The following CLIP2 variants were observed in gnomAD, a reference collection of about 807,000 sequenced individuals.
CLIP2 encodes CAP-Gly domain-containing linker protein 2.
A neutral mutation model predicts 111.7 loss-of-function variants in CLIP2; 41 were observed. The observed-to-expected ratio is 0.37, with a 90% CI of 0.29 to 0.48. CLIP2 has a LOEUF of 0.48. CLIP2 is among the 20% of genes least tolerant of loss of function. The pLI is 0.99. For synonymous variants in CLIP2, 660 were observed against 644.2 expected (o/e 1.02, Z -0.37); for missense variants, 1,160 against 1,422.1 (o/e 0.82, Z 2.96).
chr7:74,358,814 T>C (rs1318085894), intron 6 of CLIP2, among the ~76,000 whole-genome samples: 2 of 151,020 alleles, frequency 1.3e-5, no homozygotes, highest in African/African-American at 2.4e-5. Flanking sequence ...CAAGTGACCC[T>C]CCCACCTTGG....
chr7:74,289,420 C>T lies in CLIP2; in HGVS notation c.-382C>T, dbSNP rs1367556929. On this transcript the variant is annotated 5_prime_UTR_variant, in exon 1 of 17. Transcript: ENST00000223398. ...CCTGCGCCGGCCCCTTTTGTTCCCT[C>T]CCGGAGCCGGGCCGCTGGCTCCGCT... The T allele has an allele frequency of 1.3e-5, 2 of 151,082 alleles. No homozygotes were observed. The highest frequency in any genetic ancestry group is 2.0e-4 in the East Asian group (1 of 5,116). The allele number at this position is 151,082 out of a possible 1,614,324, so 9.4% of individuals were successfully genotyped here. A position where few individuals can be genotyped will look rare whatever the true frequency, so the allele number is the denominator to read the frequency against.
chr7:74,370,155 C>CAA (rs536133070), intron 8 of CLIP2, among the ~76,000 whole-genome samples: 9,722 of 32,238 alleles, frequency 0.3, 1,472 homozygotes, highest in Middle Eastern at 0.4. Context: ...GACTCTGCCT[C>CAA]AAAAAAAAAA....
intron 16 of CLIP2, among the ~76,000 whole-genome samples, chr7:74,402,565 G>T (rs998556693): frequency 6.6e-6 from 1 of 152,114 alleles, no homozygotes; most frequent in East Asian, 1.9e-4. Flanking sequence ...GGTGGCGCAT[G>T]CCTGTAGCCT....
chr7:74,397,087 C>T lies in CLIP2; in HGVS notation c.2734C>T (p.Leu912=). 6.2e-7 allele frequency: 1 copy of T among 1,613,682 alleles called. No individual in the cohort carries two copies. The highest frequency in any genetic ancestry group is 1.1e-5 in the South Asian group (1 of 91,068). Residue 912 remains leucine, a synonymous_variant, in exon 14 of 17, where the codon CTG becomes TTG. Transcript: ENST00000223398. The part of the protein sequence containing the change: ...LLRKERSLNE[L]RVLLLEANRH... Reference sequence around the variant, plus strand: ...CCTCACCCCCAGGAGCCTGAACGAACTGCGGGTGTTGCTGCTGGAGGCCAA... The same window carrying T: ...CCTCACCCCCAGGAGCCTGAACGAATTGCGGGTGTTGCTGCTGGAGGCCAA...
At chr7:74,393,522 G>A (rs980552373) in intron 13 of CLIP2, among the ~76,000 whole-genome samples, 2 of 151,424 alleles carry the variant, frequency 1.3e-5, no homozygotes, top group Admixed American at 1.3e-4. Context: ...TTTTAGTAGA[G>A]ATGGGGTTTC....
Position 74,295,550 on chromosome 7 carries a change from CATTT to C in CLIP2, c.-68+5817_-68+5820del, listed in dbSNP as rs1388528559. On this transcript the variant is annotated intron_variant, in intron 1 of 16. Coordinates refer to ENST00000223398, the MANE Select transcript of CLIP2 (RefSeq NM_003388.5). ...AGGCTGTTCCCTGCACAAATCCATT[CATTT>C]GTTTCTTTACTTTGCTCATGTTCAG... Among the ~76,000 whole-genome samples the C allele has an allele frequency of 3.9e-5, 6 of 152,140 alleles. No individual in the cohort carries two copies. In the East Asian group the frequency reaches 9.6e-4, roughly 24 times the overall value.
At chr7:74,348,099 G>C (rs1438405249) in intron 3 of CLIP2, among the ~76,000 whole-genome samples, 1 of 152,010 alleles carries the variant, frequency 6.6e-6, no homozygotes, top group Non-Finnish European at 1.5e-5. Flanking sequence ...AGAATTGGGA[G>C]GCAGAGGTTA....
At chr7:74,345,634 C>T (rs929269292) in intron 3 of CLIP2, among the ~76,000 whole-genome samples, 3 of 151,796 alleles carry the variant, frequency 2.0e-5, no homozygotes, top group Admixed American at 2.0e-4. Flanking sequence ...GTCAGGAGTT[C>T]GAGACCAACC....
chr7:74,386,683 T>C (rs1791111577), intron 12 of CLIP2, 79 bp downstream of exon 12: 1 of 1,185,246 alleles, frequency 8.4e-7, no homozygotes, highest in Non-Finnish European at 1.2e-6. Context: ...AAGCATGGAG[T>C]GGGTCAGGGC....
In CLIP2 at chr7:74,317,508, C is replaced by A; in HGVS notation, c.-39C>A. ...AGTGAAGATGGCAGAGAGGACGTGA[C>A]CAGCACTCACCCTTGTCCACCTGCC... On this transcript the variant is annotated 5_prime_UTR_variant, in exon 2 of 17. Transcript: ENST00000223398. 1 of 1,366,494 alleles carries A rather than the reference C, an allele frequency of 7.3e-7. No homozygotes were observed. The highest frequency in any genetic ancestry group is 9.5e-7 in the Non-Finnish European group (1 of 1,050,054). The allele number at this position is 1,366,494 out of a possible 1,614,324, so 84.6% of individuals were successfully genotyped here. A position where few individuals can be genotyped will look rare whatever the true frequency, so the allele number is the denominator to read the frequency against.
chr7:74,291,163 AT>A (rs1357312402), intron 1 of CLIP2, among the ~76,000 whole-genome samples: 1 of 152,104 alleles, frequency 6.6e-6, no homozygotes, highest in Non-Finnish European at 1.5e-5. Flanking sequence ...GAATGATGGG[AT>A]TCTGGCTTCA....
In CLIP2 at chr7:74,376,923, C is replaced by A. The variant is rs912177616; in HGVS notation, c.2421+101C>A. 1.3e-5 allele frequency: 15 copies of A among 1,193,922 alleles called. No individual in the cohort carries two copies. The highest frequency in any genetic ancestry group is 4.8e-5 in the South Asian group (3 of 62,720). 74.0% of individuals were successfully genotyped at this position (1,193,922 alleles called of 1,614,324 possible). A position where few individuals can be genotyped will look rare whatever the true frequency, so the allele number is the denominator to read the frequency against. On this transcript the variant is annotated intron_variant, in intron 10 of 16. Coordinates refer to ENST00000223398, the MANE Select transcript of CLIP2 (RefSeq NM_003388.5). The surrounding 1 kb of genome is among the most constrained non-coding windows in gnomAD (Gnocchi z 7.1). ...GCAGCCCAGGAAGCATTTCCCTTGT[C>A]CCCGAGAGCATGCCTGGGGCAGTCA...
rs371339715 is a variant in CLIP2, at chr7:74,306,615, AG to A, written c.-67-10863del. ...GCCACCCCCGGGCAGCTGAAATGGAAGGCGTGAAATGCAGCCGGGGCTTGTC... is the reference window on the plus strand; with the variant it reads ...GCCACCCCCGGGCAGCTGAAATGGAAGCGTGAAATGCAGCCGGGGCTTGTC... On this transcript the variant is annotated intron_variant, in intron 1 of 16. Transcript: ENST00000223398. Among the ~76,000 whole-genome samples, 236 of 152,276 alleles carry A rather than the reference AG, an allele frequency of 1.5e-3. 1 individual carries two copies. The highest frequency in any genetic ancestry group is 2.9e-3 in the African/African-American group (119 of 41,568).
rs1317641983 is a variant in CLIP2 at position 74,401,513 on chromosome 7, CA to C, written c.3077del (p.Asn1026IlefsTer133). On this transcript the variant is annotated frameshift_variant, in exon 16 of 17. Transcript: ENST00000223398. LOFTEE classifies it high-confidence loss of function. Reference protein sequence around the residue: ...SCPDKAQTIGNSGSANGIHQQ... With the variant: ...SCPDKAQTIGXSGSANGIHQQ... ...TCCCCTAACTCTTCCAGACCATCGG[CA>C]ATTCCGGTTCTGCAAACGGCATCCA... The C allele has an allele frequency of 6.2e-7, 1 of 1,613,970 alleles. No homozygotes were observed. Among genetic ancestry groups the C allele is most frequent in the African/African-American group, 1.3e-5 (1 of 74,926 alleles).
At chr7:74,329,836 A>T (rs908158718) in intron 2 of CLIP2, among the ~76,000 whole-genome samples, 2 of 151,896 alleles carry the variant, frequency 1.3e-5, no homozygotes, top group Non-Finnish European at 2.9e-5. Flanking sequence ...CTGGAGTGCA[A>T]TGGCACGATC....
Position 74,362,031 on chromosome 7 carries a change from G to A in CLIP2, c.1319+1753G>A, listed in dbSNP as rs147320589. Among the ~76,000 whole-genome samples, 341 of 151,772 alleles carry A rather than the reference G, an allele frequency of 2.2e-3. 12 individuals are homozygous for A. In the East Asian group the frequency reaches 0.06, roughly 27 times the overall value. On this transcript the variant is annotated intron_variant, in intron 7 of 16. Transcript: ENST00000223398. ...CAGGAGAATCGCTTGAACCCAGGAGGTGGAGGTTGCAGTGAACCGAGATCA... is the reference window on the plus strand; with the variant it reads ...CAGGAGAATCGCTTGAACCCAGGAGATGGAGGTTGCAGTGAACCGAGATCA...
chr7:74,331,106 T>C (rs1789263674), intron 2 of CLIP2, among the ~76,000 whole-genome samples: 1 of 145,488 alleles, frequency 6.9e-6, no homozygotes, highest in African/African-American at 2.6e-5. Context: ...CTCGGGAGGC[T>C]GAGGCAGGAG....
At chr7:74,385,122 CA>C (rs71094780) in intron 11 of CLIP2, among the ~76,000 whole-genome samples, 1,094 of 51,600 alleles carry the variant, frequency 0.021, 14 homozygotes, top group African/African-American at 0.06. Context: ...ATTAAAAATA[CA>C]AAAAAAAAAA....
chr7:74,391,641 G>A (rs558329928), intron 13 of CLIP2, among the ~76,000 whole-genome samples: 135 of 151,040 alleles, frequency 8.9e-4, no homozygotes, highest in African/African-American at 3.1e-3. Context: ...TCAACATGGC[G>A]AAACCCCGTC....
Sources: allele counts gnomAD v4.1 joint callset (sites outside exome capture counted in the v4.1 genomes callset), GRCh38; gene constraint gnomAD v4.1.1; non-coding constraint Gnocchi (gnomAD v3.1); transcripts MANE v1.5; gene names NCBI Gene and HGNC (gene_info 2026-07-23, HGNC 2026-07-21).